NRG1: variants seen among roughly 807,000 people sequenced by gnomAD.
NRG1 encodes pro-neuregulin-1, membrane-bound isoform.
In NRG1, 18 loss-of-function variants were observed where a neutral mutation model predicts 63.8. The observed-to-expected ratio is 0.28, with a 90% CI of 0.19 to 0.42. NRG1 has a LOEUF of 0.42. NRG1 is among the 10% of genes least tolerant of loss of function. NRG1 has a pLI of 1.00. For synonymous variants in NRG1, 302 were observed against 301.3 expected, an observed-to-expected ratio of 1.00 and a Z score of -0.02; for missense variants, 762 against 814.7, an observed-to-expected ratio of 0.94 and a Z score of 0.79.
intron 1 of NRG1, among the ~76,000 whole-genome samples, chr8:31,888,284 A>G (rs1252170300): frequency 6.6e-6 from 1 of 152,010 alleles, no homozygotes; most frequent in Non-Finnish European, 1.5e-5. Context: ...AATACCCCAA[A>G]CTACTGGATG....
chr8:31,715,919 T>C (rs1372095742), intron 1 of NRG1, among the ~76,000 whole-genome samples: 3 of 152,236 alleles, frequency 2.0e-5, no homozygotes, highest in Non-Finnish European at 4.4e-5. Flanking sequence ...TTGAAAGTCA[T>C]ATATATTTAG....
At chr8:31,970,691 C>T (rs1004921279) in intron 1 of NRG1, among the ~76,000 whole-genome samples, 27 of 152,126 alleles carry the variant, frequency 1.8e-4, no homozygotes, top group Non-Finnish European at 3.4e-4. Flanking sequence ...CATCTACTGT[C>T]CTGCTCTGCC....
intron 1 of NRG1, among the ~76,000 whole-genome samples, chr8:31,811,876 T>C (rs1417243806): frequency 6.6e-6 from 1 of 152,186 alleles, no homozygotes; most frequent in Non-Finnish European, 1.5e-5. Context: ...GTTTTTCTTG[T>C]TGTGTTAATC....
chr8:32,320,459 T>C (rs1801250628), intron 1 of NRG1, among the ~76,000 whole-genome samples: 1 of 152,112 alleles, frequency 6.6e-6, no homozygotes, highest in African/African-American at 2.4e-5. Context: ...CAAGTTGTAC[T>C]AGAAGCATGG....
intron 1 of NRG1, among the ~76,000 whole-genome samples, chr8:32,321,959 T>A (rs1172498265): frequency 6.6e-6 from 1 of 152,048 alleles, no homozygotes; most frequent in Non-Finnish European, 1.5e-5. Context: ...TGCCCAAAGG[T>A]CTTCATTTAG....
rs1826513333 is a variant in NRG1, at chr8:32,491,197, C to T, written c.38-104631C>T. On this transcript the variant is annotated intron_variant, in intron 1 of 10. Transcript: ENST00000519301. Reference sequence around the variant, plus strand: ...CTCTTAGAGATAATCAATTTGATATCAGCACAATTATTGTGGCTACTATTG... The same window carrying T: ...CTCTTAGAGATAATCAATTTGATATTAGCACAATTATTGTGGCTACTATTG... Among the ~76,000 whole-genome samples, 3 of 152,232 alleles carry T rather than the reference C, an allele frequency of 2.0e-5. No homozygotes were observed. In the South Asian group the frequency reaches 6.2e-4, roughly 32 times the overall value.
intron 1 of NRG1, among the ~76,000 whole-genome samples, chr8:31,665,136 T>G (rs1451902932): frequency 6.6e-6 from 1 of 152,178 alleles, no homozygotes; most frequent in Non-Finnish European, 1.5e-5. Context: ...TTGGGCACTT[T>G]ACACATCACA....
chr8:32,493,792 T>C, intron 1 of NRG1, among the ~76,000 whole-genome samples: 1 of 152,320 alleles, frequency 6.6e-6, no homozygotes. Flanking sequence ...ACTTGAAAGA[T>C]AATGAGTTCC....
intron 1 of NRG1, among the ~76,000 whole-genome samples, chr8:31,726,514 G>C (rs1003101120): frequency 3.3e-5 from 5 of 152,090 alleles, no homozygotes; most frequent in Non-Finnish European, 1.5e-5. Context: ...TCTAGAATGA[G>C]GTCTGGGAAT....
chr8:31,993,715 G>A (rs79750419), intron 1 of NRG1, among the ~76,000 whole-genome samples: 2 of 151,954 alleles, frequency 1.3e-5, no homozygotes, highest in Non-Finnish European at 2.9e-5. Context: ...CATGAGAATG[G>A]ACTAATACAG....
intron 1 of NRG1, among the ~76,000 whole-genome samples, chr8:31,830,446 G>C (rs1380746729): frequency 6.7e-6 from 1 of 149,838 alleles, no homozygotes; most frequent in Non-Finnish European, 1.5e-5. Context: ...TTTTTTATTA[G>C]ATGCTTAGAT....
At chr8:32,608,089 TTTGTTTTTTTTTTTTTTG>T (rs1256860011) in intron 3 of NRG1, among the ~76,000 whole-genome samples, 1 of 118,816 alleles carries the variant, frequency 8.4e-6, no homozygotes, top group Admixed American at 8.6e-5. Context: ...CCAGGTTTTT[TTTGTTTTTTTTTTTTTTG>T]TTTTTTTTTT....
intron 1 of NRG1, among the ~76,000 whole-genome samples, chr8:32,299,025 CAAAAAAAAAAAAAA>C (rs34799826): frequency 1.7e-5 from 1 of 59,574 alleles, no homozygotes. Context: ...GACTCTATCT[CAAAAAAAAAAAAAA>C]AAAAAAAAAG....
intron 1 of NRG1, among the ~76,000 whole-genome samples, chr8:32,271,830 G>A (rs1013857249): frequency 6.6e-6 from 1 of 152,068 alleles, no homozygotes; most frequent in Non-Finnish European, 1.5e-5. Flanking sequence ...ACCAACCCAA[G>A]CTCTAGGAGT....
At chr8:32,371,017 G>A (rs913788149) in intron 1 of NRG1, among the ~76,000 whole-genome samples, 1 of 151,916 alleles carries the variant, frequency 6.6e-6, no homozygotes, top group Non-Finnish European at 1.5e-5. Context: ...TTCAAGGCCA[G>A]CCTGGCCAAC....
At chr8:32,268,667 A>G (rs1302521607) in intron 1 of NRG1, among the ~76,000 whole-genome samples, 1 of 152,182 alleles carries the variant, frequency 6.6e-6, no homozygotes, top group Non-Finnish European at 1.5e-5. Flanking sequence ...TTAGAAAACA[A>G]AAACATTGTC....
At chr8:32,613,159 TA>T (rs1846669463) in intron 3 of NRG1, among the ~76,000 whole-genome samples, 1 of 152,020 alleles carries the variant, frequency 6.6e-6, no homozygotes, top group African/African-American at 2.4e-5. Flanking sequence ...TTAGTGGATG[TA>T]AGAGCCAACG....
At chr8:31,699,308 CTTG>C (rs1384107012) in intron 1 of NRG1, among the ~76,000 whole-genome samples, 4 of 152,062 alleles carry the variant, frequency 2.6e-5, no homozygotes, top group Non-Finnish European at 4.4e-5. Context: ...CCAGGTAACA[CTTG>C]TTGTTTTAAA....
At chr8:32,763,188 T>C in intron 11 of NRG1, 2 of 1,609,122 alleles carry the variant, frequency 1.2e-6, no homozygotes, top group Non-Finnish European at 1.7e-6. Flanking sequence ...GGAATAAATC[T>C]AAGTTACTAT....
Sources: allele counts gnomAD v4.1 joint callset (sites outside exome capture counted in the v4.1 genomes callset), GRCh38; gene constraint gnomAD v4.1.1; transcripts MANE v1.5; gene names NCBI Gene and HGNC (gene_info 2026-07-23, HGNC 2026-07-21).